Variants in FBXL7 observed in about 807,000 individuals in gnomAD.
FBXL7 encodes F-box/LRR-repeat protein 7.
Under a neutral mutation model 38.3 loss-of-function variants are expected in FBXL7, and 12 were observed. The ratio of observed to expected loss-of-function variants is 0.31; its 90% confidence interval spans 0.20 to 0.51. The LOEUF (loss-of-function observed/expected upper bound fraction) is 0.51, where lower values mean the gene tolerates loss of function less well. Among genes scored for constraint, FBXL7 ranks in the 20% least tolerant of loss-of-function variants. The pLI is 0.98. For synonymous variants in FBXL7, 297 were observed against 300.9 expected (o/e 0.99, Z 0.13); for missense variants, 567 against 676.4 (o/e 0.84, Z 1.79).
At chr5:15,727,844 A>G (rs550345122) in intron 2 of FBXL7, among the ~76,000 whole-genome samples, 2 of 152,214 alleles carry the variant, frequency 1.3e-5, no homozygotes, top group South Asian at 4.1e-4. Context: ...TAGGACTGCT[A>G]CAATGCACGT....
intron 2 of FBXL7, among the ~76,000 whole-genome samples, chr5:15,731,887 T>G (rs543879655): frequency 2.5e-4 from 38 of 152,310 alleles, no homozygotes; most frequent in Middle Eastern, 3.4e-3. Flanking sequence ...TTGGACTACA[T>G]GGATCCTGAG....
chr5:15,501,647 C>T, intron 1 of FBXL7: 1 of 985,500 alleles, frequency 1.0e-6, no homozygotes, highest in Non-Finnish European at 1.2e-6. Flanking sequence ...GGTAGGAATG[C>T]AGGCTAGCTA....
intron 1 of FBXL7, among the ~76,000 whole-genome samples, chr5:15,547,890 A>G (rs1244627932): frequency 6.6e-6 from 1 of 152,140 alleles, no homozygotes; most frequent in South Asian, 2.1e-4. Context: ...TGCTGGGGGA[A>G]CTTGAAGTCG....
chr5:15,602,092 A>T (rs1164640931), intron 1 of FBXL7: 1 of 152,120 alleles, frequency 6.6e-6, no homozygotes, highest in Non-Finnish European at 1.5e-5. Context: ...CAACTACGAG[A>T]AGTGAGGACA....
intron 2 of FBXL7, among the ~76,000 whole-genome samples, chr5:15,742,593 A>G (rs1328374971): frequency 1.3e-5 from 2 of 152,228 alleles, no homozygotes; most frequent in Non-Finnish European, 2.9e-5. Flanking sequence ...AGGTAGGACT[A>G]CATTGTAATT....
chr5:15,721,103 G>T (rs1390884111), intron 2 of FBXL7, among the ~76,000 whole-genome samples: 1 of 152,050 alleles, frequency 6.6e-6, no homozygotes, highest in Admixed American at 6.5e-5. Context: ...AGTTGTAAAT[G>T]CTTGATAGAG....
In FBXL7 at chr5:15,937,959, C is replaced by T. The variant is rs1206742715; in HGVS notation, c.*773C>T. ...CAGAAGCACCTTGGCATAGAGCACCCAGGCATCGACCTCTTCCAGGAGAAC... is the reference window on the plus strand; with the variant it reads ...CAGAAGCACCTTGGCATAGAGCACCTAGGCATCGACCTCTTCCAGGAGAAC... On this transcript the variant is annotated 3_prime_UTR_variant, in exon 4 of 4. Coordinates refer to ENST00000504595, the MANE Select transcript of FBXL7 (RefSeq NM_012304.5). The T allele has an allele frequency of 2.0e-5, 3 of 152,246 alleles. No individual in the cohort carries two copies. Among genetic ancestry groups the T allele is most frequent in the African/African-American group, 7.2e-5 (3 of 41,432 alleles). 9.4% of individuals were successfully genotyped at this position (152,246 alleles called of 1,614,324 possible). A position where few individuals can be genotyped will look rare whatever the true frequency, so the allele number is the denominator to read the frequency against.
At chr5:15,570,427 A>C (rs1354509660) in intron 1 of FBXL7, among the ~76,000 whole-genome samples, 2 of 152,168 alleles carry the variant, frequency 1.3e-5, no homozygotes, top group Non-Finnish European at 2.9e-5. Context: ...CTGTGGGGTC[A>C]GTGGTGATAT....
At chr5:15,520,049 T>G (rs1312300140) in intron 1 of FBXL7, among the ~76,000 whole-genome samples, 1 of 152,180 alleles carries the variant, frequency 6.6e-6, no homozygotes, top group Non-Finnish European at 1.5e-5. Flanking sequence ...TGCTTCCCCT[T>G]TTTAGTCCAT....
Position 15,937,317 on chromosome 5 carries a change from G to A in FBXL7, c.*131G>A, listed in dbSNP as rs1400139216. ...TTCCGGGAAGGTTATTAGGAATCTG[G>A]CCTTTATTTTTCCTCATTTCTCATG... On this transcript the variant is annotated 3_prime_UTR_variant, in exon 4 of 4. Transcript: ENST00000504595. 3 of 1,180,460 alleles carry A rather than the reference G, an allele frequency of 2.5e-6. No homozygotes were observed. Among genetic ancestry groups the A allele is most frequent in the Non-Finnish European group, 3.4e-6 (3 of 871,828 alleles). The allele number at this position is 1,180,460 out of a possible 1,614,324, so 73.1% of individuals were successfully genotyped here. A position where few individuals can be genotyped will look rare whatever the true frequency, so the allele number is the denominator to read the frequency against.
At chr5:15,597,807 A>G (rs1381231647) in intron 1 of FBXL7, among the ~76,000 whole-genome samples, 1 of 152,252 alleles carries the variant, frequency 6.6e-6, no homozygotes, top group Non-Finnish European at 1.5e-5. Flanking sequence ...CAGTACATCA[A>G]GAAAAAGAAT....
rs532585022 is a variant in FBXL7, at chr5:15,656,147, C to T, written c.127+40075C>T. Among the ~76,000 whole-genome samples, 6 of 152,358 alleles carry T rather than the reference C, an allele frequency of 3.9e-5. No individual in the cohort carries two copies. In the South Asian group the frequency reaches 1.2e-3, roughly 32 times the overall value. ...TCTTGGTTTGCAATAGAAACTGGAA[C>T]TATCTGCTCCATACAGAGAAACAGA... is the stretch of plus-strand genomic sequence containing the variant. On this transcript the variant is annotated intron_variant, in intron 2 of 3. Transcript: ENST00000504595.
chr5:15,569,901 T>A (rs1738713302), intron 1 of FBXL7, among the ~76,000 whole-genome samples: 1 of 152,264 alleles, frequency 6.6e-6, no homozygotes, highest in Non-Finnish European at 1.5e-5. Context: ...TTTATTGATT[T>A]GCATATGTTG....
At chr5:15,764,184 A>G (rs1736525394) in intron 2 of FBXL7, among the ~76,000 whole-genome samples, 1 of 152,212 alleles carries the variant, frequency 6.6e-6, no homozygotes, top group South Asian at 2.1e-4. Flanking sequence ...GAGTATCAAT[A>G]TGTTGTTGGA....
intron 2 of FBXL7, among the ~76,000 whole-genome samples, chr5:15,654,432 AGG>A (rs1561071423): frequency 3.3e-5 from 5 of 150,048 alleles, no homozygotes; most frequent in East Asian, 1.9e-4. Flanking sequence ...AAAAAAAAAA[AGG>A]CAAAACTGTT....
chr5:15,841,060 T>G (rs529473109), intron 2 of FBXL7, among the ~76,000 whole-genome samples: 80 of 152,244 alleles, frequency 5.3e-4, no homozygotes, highest in African/African-American at 1.9e-3. Context: ...TTCCAAAAGT[T>G]TATCTATAGT....
chr5:15,522,419 C>T (rs534069451), intron 1 of FBXL7, among the ~76,000 whole-genome samples: 12 of 152,256 alleles, frequency 7.9e-5, no homozygotes, highest in East Asian at 7.7e-4. Flanking sequence ...ATCGATGCTC[C>T]GAATGACATT....
chr5:15,935,689 A>G (rs1395169729), intron 3 of FBXL7, among the ~76,000 whole-genome samples: 3 of 152,242 alleles, frequency 2.0e-5, no homozygotes, highest in Non-Finnish European at 4.4e-5. Flanking sequence ...TTCCTCAACT[A>G]AAGAGAGTTG....
intron 2 of FBXL7, among the ~76,000 whole-genome samples, chr5:15,851,171 A>G (rs1739083641): frequency 6.6e-6 from 1 of 152,128 alleles, no homozygotes; most frequent in South Asian, 2.1e-4. Flanking sequence ...TCCGTTCACA[A>G]TCACTCCTTT....
Sources: allele counts gnomAD v4.1 joint callset (sites outside exome capture counted in the v4.1 genomes callset), GRCh38; gene constraint gnomAD v4.1.1; transcripts MANE v1.5; gene names NCBI Gene and HGNC (gene_info 2026-07-23, HGNC 2026-07-21).